NHLH2: variants seen among roughly 807,000 people sequenced by gnomAD.
NHLH2 encodes the protein nescient helix-loop-helix 2.
A neutral mutation model predicts 7.3 loss-of-function variants in NHLH2; 7 were observed. The observed-to-expected ratio is 0.96, with a 90% CI of 0.55 to 1.81. The LOEUF is 1.81. Among genes scored for constraint, NHLH2 ranks in the 40% most tolerant of loss-of-function variants. NHLH2 has a pLI of 0.00. For missense variants in NHLH2, 155 were observed against 194.0 expected (o/e 0.80, Z 1.19); for synonymous variants, 93 against 91.6 (o/e 1.01, Z -0.09).
chr1:115,834,375 G>T (rs1557828291), downstream of NHLH2, among the ~76,000 whole-genome samples: 2 of 152,146 alleles, frequency 1.3e-5, no homozygotes, highest in Non-Finnish European at 2.9e-5. Flanking sequence ...AGAAGGTGAA[G>T]GGACAGCAGG....
At chr1:115,834,463 G>A (rs968445241), downstream of NHLH2, among the ~76,000 whole-genome samples, 22 of 152,174 alleles carry the variant, frequency 1.4e-4, no homozygotes, top group Non-Finnish European at 3.2e-4. Context: ...GCTGCGGAAA[G>A]GTAAGTGACC....
downstream of NHLH2, among the ~76,000 whole-genome samples, chr1:115,834,003 G>A (rs775805222): frequency 3.9e-5 from 6 of 152,146 alleles, no homozygotes; most frequent in Non-Finnish European, 7.4e-5. Flanking sequence ...GGCCACTGGA[G>A]GGAGCTCCTG....
chr1:115,833,485 G>T (rs1007893861), downstream of NHLH2, among the ~76,000 whole-genome samples: 1 of 152,164 alleles, frequency 6.6e-6, no homozygotes, highest in Non-Finnish European at 1.5e-5. Context: ...CACCAAGGGG[G>T]GTGGTGTGTG....
At chr1:115,839,261 G>C (rs1650984839) in intron 2 of NHLH2, 1 of 167,186 alleles carries the variant, frequency 6.0e-6, no homozygotes, top group African/African-American at 2.4e-5. Context: ...GGATGCAGAG[G>C]GAAGGGAAGA....
downstream of NHLH2, among the ~76,000 whole-genome samples, chr1:115,833,951 C>T (rs1174908315): frequency 6.6e-6 from 1 of 152,136 alleles, no homozygotes; most frequent in Admixed American, 6.5e-5. Context: ...TCTGGCTACT[C>T]GCCTTATCAT....
chr1:115,836,574 T>C lies in NHLH2; in HGVS notation c.*1391A>G, dbSNP rs1650876530. 6.6e-6 allele frequency: 1 copy of C among 152,586 alleles called. No homozygotes were observed. The allele number at this position is 152,586 out of a possible 1,614,324, so 9.5% of individuals were successfully genotyped here. ...TGGTTTTTTTCCCTTGTCTCTAAAA[T>C]ACACTCCTTGTTTTAAGAGTTTCAC... On this transcript the variant is annotated 3_prime_UTR_variant, in exon 3 of 3. Transcript: ENST00000320238.
At position 115,836,782 on chromosome 1, in the gene NHLH2, C is replaced by T. The variant is rs1247103262; in HGVS notation, c.*1183G>A. 6.6e-6 allele frequency: 1 copy of T among 152,042 alleles called. No individual in the cohort carries two copies. Among genetic ancestry groups the T allele is most frequent in the Non-Finnish European group, 1.5e-5 (1 of 68,002 alleles). 9.4% of individuals were successfully genotyped at this position (152,042 alleles called of 1,614,324 possible). ...CTCCTTATAAACAGCTTGTAAAGGA[C>T]TTCTCAGACATAACTACAGATAAGA... On this transcript the variant is annotated 3_prime_UTR_variant, in exon 3 of 3. Transcript: ENST00000320238.
downstream of NHLH2, among the ~76,000 whole-genome samples, chr1:115,831,780 G>A (rs186633002): frequency 4.8e-4 from 73 of 152,070 alleles, no homozygotes; most frequent in African/African-American, 1.8e-3. Context: ...AAATTAGCTG[G>A]GCATGGTGGT....
At chr1:115,835,302 C>T (rs1286405320), downstream of NHLH2, among the ~76,000 whole-genome samples, 3 of 152,138 alleles carry the variant, frequency 2.0e-5, no homozygotes, top group African/African-American at 4.8e-5. Flanking sequence ...AGGAGCAGGG[C>T]TAATTATTCT....
downstream of NHLH2, among the ~76,000 whole-genome samples, chr1:115,832,523 T>C (rs956026512): frequency 6.6e-5 from 10 of 152,228 alleles, no homozygotes; most frequent in East Asian, 5.8e-4. Flanking sequence ...CACTATACAT[T>C]ATCCCATGGA....
At chr1:115,840,743 A>ATTTTTTTTTT (rs34163403) in intron 1 of NHLH2, 199 bp from the exon 2 acceptor site, 4 of 141,920 alleles carry the variant, frequency 2.8e-5, no homozygotes, top group African/African-American at 1.1e-4. Flanking sequence ...CTCAGAAGTG[A>ATTTTTTTTTT]TTTTTTTTTT....
At chr1:115,838,461 C>G (rs1425779361) in intron 2 of NHLH2, 81 bp from the exon 3 acceptor site, 1 of 1,489,008 alleles carries the variant, frequency 6.7e-7, no homozygotes, top group Admixed American at 1.9e-5. Context: ...CCTACCACGC[C>G]GGTCCTCCCA....
At position 115,837,936 on chromosome 1, in the gene NHLH2, A is replaced by G. The variant is rs1650925083; in HGVS notation, c.*29T>C. ...TCCGTAGCGTTTCGCGGACGCCGGG[A>G]CAGGCGGCCCCCCGCGGCGCACCCC... On this transcript the variant is annotated 3_prime_UTR_variant, in exon 3 of 3. Coordinates refer to ENST00000320238, the MANE Select transcript of NHLH2 (RefSeq NM_005599.3). 1 of 1,582,368 alleles carries G rather than the reference A, an allele frequency of 6.3e-7. No homozygotes were observed. Among genetic ancestry groups the G allele is most frequent in the African/African-American group, 1.4e-5 (1 of 71,494 alleles).
At position 115,838,361 on chromosome 1, in the gene NHLH2, A is replaced by T; in HGVS notation, c.12T>A (p.Ser4Arg). 2 of 1,608,800 alleles carry T rather than the reference A, an allele frequency of 1.2e-6. No individual in the cohort carries two copies. The highest frequency in any genetic ancestry group is 1.7e-6 in the Non-Finnish European group (2 of 1,179,108). Residue 4 changes from serine to arginine, a missense_variant, in exon 3 of 3, where the codon AGT becomes AGA. Physicochemically the swap from Ser to Arg is moderately radical, Grantham distance 110 (BLOSUM62 -1). This residue lies in a region of NHLH2 where 91 missense variants were observed against 86.6 expected (regional missense o/e 1.05). Coordinates refer to ENST00000320238, the MANE Select transcript of NHLH2 (RefSeq NM_005599.3). The part of the protein sequence containing the change: MML[S>R]PDQAADSDHP... ...GGTCCGAATCTGCTGCTTGGTCCGGACTCAGCATCATTTTGGAGGCTGAGG... is the reference window on the plus strand; with the variant it reads ...GGTCCGAATCTGCTGCTTGGTCCGGTCTCAGCATCATTTTGGAGGCTGAGG...
At chr1:115,831,406 C>T (rs1650747396), downstream of NHLH2, among the ~76,000 whole-genome samples, 1 of 152,140 alleles carries the variant, frequency 6.6e-6, no homozygotes, top group Admixed American at 6.5e-5. Flanking sequence ...CTTTTTGAAG[C>T]AAATCCCAAA....
At chr1:115,834,722 A>G (rs1395879178), downstream of NHLH2, among the ~76,000 whole-genome samples, 1 of 152,176 alleles carries the variant, frequency 6.6e-6, no homozygotes, top group Non-Finnish European at 1.5e-5. Flanking sequence ...AGCATTTAGC[A>G]ATATCTAAAA....
downstream of NHLH2, among the ~76,000 whole-genome samples, chr1:115,832,025 C>A (rs1310210529): frequency 6.6e-6 from 1 of 152,134 alleles, no homozygotes; most frequent in Non-Finnish European, 1.5e-5. Flanking sequence ...CTCTGCCTGA[C>A]CTATCATGGG....
downstream of NHLH2, among the ~76,000 whole-genome samples, chr1:115,835,602 T>A (rs1650848972): frequency 6.6e-6 from 1 of 152,200 alleles, no homozygotes; most frequent in African/African-American, 2.4e-5. Context: ...AAGTGAAGAA[T>A]ACCAGCAATC....
rs1650926281 is a variant in NHLH2, at chr1:115,837,951, C to T, written c.*14G>A. The T allele has an allele frequency of 3.8e-6, 6 of 1,587,512 alleles. No homozygotes were observed. Among genetic ancestry groups the T allele is most frequent in the African/African-American group, 1.4e-5 (1 of 71,586 alleles). On this transcript the variant is annotated 3_prime_UTR_variant, in exon 3 of 3. Transcript: ENST00000320238. ...GGACGCCGGGACAGGCGGCCCCCCG[C>T]GGCGCACCCCGCCCTACACGTCCAG...
Sources: gnomAD v4.1 joint callset for allele counts (sites outside exome capture counted in the v4.1 genomes callset) on GRCh38, gnomAD v4.1.1 for gene constraint, gnomAD v4.1.1 regional missense constraint, MANE v1.5 for transcripts, NCBI Gene and HGNC (gene_info 2026-07-23, HGNC 2026-07-21) for gene names.